Variants in ESRRG observed in about 807,000 individuals in gnomAD.
ESRRG encodes the protein estrogen-related receptor gamma.
Under a neutral mutation model 44.0 loss-of-function variants are expected in ESRRG, and 13 were observed. The ratio of observed to expected loss-of-function variants is 0.30; its 90% CI spans 0.19 to 0.47. The LOEUF is 0.47. Ranked by LOEUF, ESRRG falls within the 20% of genes least tolerant of loss-of-function variation. The pLI is 1.00. For missense variants in ESRRG, 395 were observed against 580.6 expected, an observed-to-expected ratio of 0.68 and a Z score of 3.29; for synonymous variants, 215 against 214.6, an observed-to-expected ratio of 1.00 and a Z score of -0.02.
At chr1:216,839,221 A>G (rs937564682) in intron 2 of ESRRG, among the ~76,000 whole-genome samples, 1 of 152,120 alleles carries the variant, frequency 6.6e-6, no homozygotes, top group Non-Finnish European at 1.5e-5. Flanking sequence ...TTAAGAAACT[A>G]CTCATCTGTA....
chr1:216,509,052 A>T (rs1286969449), intron 6 of ESRRG, among the ~76,000 whole-genome samples: 1 of 152,240 alleles, frequency 6.6e-6, no homozygotes, highest in East Asian at 1.9e-4. Context: ...TAATACATTT[A>T]CCATTTATTA....
At chr1:217,040,899 C>T (rs1304622379) in intron 1 of ESRRG, among the ~76,000 whole-genome samples, 2 of 152,046 alleles carry the variant, frequency 1.3e-5, no homozygotes, top group Non-Finnish European at 2.9e-5. Context: ...ATTTCCTGGA[C>T]CTAAAGGAAA....
intron 1 of ESRRG, among the ~76,000 whole-genome samples, chr1:216,708,678 T>C (rs1178935074): frequency 2.0e-5 from 3 of 152,178 alleles, no homozygotes; most frequent in Non-Finnish European, 2.9e-5. Flanking sequence ...GATGTAGAAC[T>C]AGAAATACCA....
chr1:216,568,039 C>G lies in ESRRG; in HGVS notation c.649G>C (p.Glu217Gln), dbSNP rs1436424414. 6.2e-7 allele frequency: 1 copy of G among 1,613,962 alleles called. No homozygotes were observed. The highest frequency in any genetic ancestry group is 8.5e-7 in the Non-Finnish European group (1 of 1,179,870). The change falls in exon 4 of 7, where the codon GAG (glutamate) becomes CAG (glutamine). Residue 217 changes from glutamate to glutamine, a missense_variant. By Grantham distance (29) the Glu-to-Gln change is conservative. Coordinates refer to ENST00000408911, the MANE Select transcript of ESRRG (RefSeq NM_001438.4). ...TGAGGGTTCAGGTATGGGCTGTTCT[C>G]CGCATCTATCCTGCGCTTGTACTTC... ...RQKYKRRIDA[E>Q]NSPYLNPQLV...
chr1:216,520,645 G>C (rs900510006), intron 5 of ESRRG, among the ~76,000 whole-genome samples: 1 of 152,104 alleles, frequency 6.6e-6, no homozygotes, highest in Non-Finnish European at 1.5e-5. Flanking sequence ...TTATTTCCAA[G>C]TGTATGCCTA....
At chr1:217,120,828 A>AT (rs970051754) in intron 1 of ESRRG, among the ~76,000 whole-genome samples, 1 of 151,910 alleles carries the variant, frequency 6.6e-6, no homozygotes, top group Non-Finnish European at 1.5e-5. Flanking sequence ...AAATTGTACC[A>AT]TTTTTTTCAT....
At chr1:216,666,035 C>T (rs529442069) in intron 2 of ESRRG, among the ~76,000 whole-genome samples, 31 of 152,220 alleles carry the variant, frequency 2.0e-4, no homozygotes, top group African/African-American at 7.5e-4. Flanking sequence ...AAATCCTGAC[C>T]CATGACTTTT....
At chr1:216,668,012 G>A (rs534843277) in intron 2 of ESRRG, among the ~76,000 whole-genome samples, 27 of 151,384 alleles carry the variant, frequency 1.8e-4, no homozygotes, top group Admixed American at 4.0e-4. Flanking sequence ...CAGAAGAATC[G>A]CTTGAACTCA....
intron 1 of ESRRG, among the ~76,000 whole-genome samples, chr1:216,998,987 C>T (rs1259773326): frequency 6.6e-6 from 1 of 152,164 alleles, no homozygotes; most frequent in Non-Finnish European, 1.5e-5. Context: ...CTACTGCATA[C>T]TACTGAGGTA....
chr1:216,782,604 T>C (rs1229328749), intron 2 of ESRRG, among the ~76,000 whole-genome samples: 1 of 152,122 alleles, frequency 6.6e-6, no homozygotes, highest in Non-Finnish European at 1.5e-5. Context: ...TGAGTCATTT[T>C]CATTAGAAAG....
chr1:216,572,775 C>T (rs1427580416), intron 3 of ESRRG, among the ~76,000 whole-genome samples: 1 of 151,910 alleles, frequency 6.6e-6, no homozygotes, highest in Non-Finnish European at 1.5e-5. Flanking sequence ...AGGTACATTG[C>T]AAAGGACAGA....
At chr1:216,887,905 CT>C (rs1313578722) in intron 2 of ESRRG, among the ~76,000 whole-genome samples, 24 of 152,088 alleles carry the variant, frequency 1.6e-4, no homozygotes, top group African/African-American at 5.6e-4. Context: ...CAAAAAGGAG[CT>C]AAATCTTAGA....
intron 1 of ESRRG, among the ~76,000 whole-genome samples, chr1:216,973,437 A>T (rs2072134947): frequency 6.6e-6 from 1 of 152,144 alleles, no homozygotes; most frequent in Non-Finnish European, 1.5e-5. Context: ...CCCCTCCCAG[A>T]CATCTACACA....
chr1:216,814,120 A>G (rs182121710), intron 2 of ESRRG, among the ~76,000 whole-genome samples: 1 of 151,258 alleles, frequency 6.6e-6, no homozygotes, highest in East Asian at 2.0e-4. Flanking sequence ...TGGTCATGGG[A>G]AAAAAAAAAA....
Position 216,961,561 on chromosome 1 carries a change from A to ATT in ESRRG, c.-105-21890_-105-21889dup, listed in dbSNP as rs35113256. Reference sequence around the variant, plus strand: ...GTCACAACTTGAGAAATTTACTCTTATTTTTTTTTTTTTTTTGTCTATTTC... The same window carrying ATT: ...GTCACAACTTGAGAAATTTACTCTTATTTTTTTTTTTTTTTTTTGTCTATTTC... On this transcript the variant is annotated intron_variant, in intron 1 of 7. Transcript: ENST00000359162. Among the ~76,000 whole-genome samples the ATT allele has an allele frequency of 6.8e-3, 892 of 131,926 alleles. 8 individuals are homozygous for ATT. The highest frequency in any genetic ancestry group is 0.022 in the African/African-American group (793 of 36,346). 86.5% of individuals were successfully genotyped at this position (131,926 alleles called of 152,430 possible). A position where few individuals can be genotyped will look rare whatever the true frequency, so the allele number is the denominator to read the frequency against.
At chr1:216,860,448 A>G (rs1014464743) in intron 2 of ESRRG, among the ~76,000 whole-genome samples, 3 of 152,150 alleles carry the variant, frequency 2.0e-5, no homozygotes, top group Non-Finnish European at 4.4e-5. Flanking sequence ...ACACCAGGGC[A>G]TATCATAACC....
intron 2 of ESRRG, among the ~76,000 whole-genome samples, chr1:216,785,722 T>C (rs1409635183): frequency 6.6e-6 from 1 of 152,036 alleles, no homozygotes; most frequent in Non-Finnish European, 1.5e-5. Context: ...TTCCAAAATA[T>C]AATTTTTAGC....
At chr1:216,587,590 AC>A (rs768155212) in intron 3 of ESRRG, among the ~76,000 whole-genome samples, 2 of 152,206 alleles carry the variant, frequency 1.3e-5, no homozygotes, top group Non-Finnish European at 2.9e-5. Context: ...TAAAAAAAGG[AC>A]AATAATTGTT....
At chr1:216,672,354 C>T (rs1237099044) in intron 2 of ESRRG, among the ~76,000 whole-genome samples, 1 of 152,176 alleles carries the variant, frequency 6.6e-6, no homozygotes, top group East Asian at 1.9e-4. Context: ...AAATAGTCAA[C>T]AAGTAAAATA....
Sources: gnomAD v4.1 joint callset for allele counts (sites outside exome capture counted in the v4.1 genomes callset) on GRCh38, gnomAD v4.1.1 for gene constraint, MANE v1.5 for transcripts, NCBI Gene and HGNC (gene_info 2026-07-23, HGNC 2026-07-21) for gene names.